CLIP2: variants seen among roughly 807,000 people sequenced by gnomAD.
CLIP2 encodes the protein CAP-Gly domain containing linker protein 2, also known as CAP-Gly domain-containing linker protein 2.
A neutral mutation model predicts 111.7 loss-of-function variants in CLIP2; 41 were observed. That is an observed-to-expected ratio of 0.37 (90% CI 0.29 to 0.48). The LOEUF (loss-of-function observed/expected upper bound fraction) is 0.48. Among genes scored for constraint, CLIP2 ranks in the 20% least tolerant of loss-of-function variants. The pLI, the probability that CLIP2 is intolerant of heterozygous loss-of-function variation, is 0.99. For missense variants in CLIP2, 1,160 were observed against 1,422.1 expected (o/e 0.82, Z 2.96); for synonymous variants, 660 against 644.2 (o/e 1.02, Z -0.37).
chr7:74,386,629 A>T (rs782504696), intron 12 of CLIP2, 25 bp downstream of exon 12: 2 of 1,563,158 alleles, frequency 1.3e-6, no homozygotes, highest in Non-Finnish European at 1.7e-6. Flanking sequence ...CGCAGGGCAG[A>T]TGCGGGGGGC....
intron 1 of CLIP2, among the ~76,000 whole-genome samples, chr7:74,313,327 A>AG (rs1238302814): frequency 6.6e-6 from 1 of 151,736 alleles, no homozygotes; most frequent in Non-Finnish European, 1.5e-5. Context: ...TGGGAGGCCG[A>AG]GGGGGGCAGA....
At chr7:74,390,941 C>T (rs1339076085) in intron 13 of CLIP2, among the ~76,000 whole-genome samples, 7 of 151,416 alleles carry the variant, frequency 4.6e-5, no homozygotes, top group African/African-American at 1.2e-4. Context: ...CCCAGCTACT[C>T]GGGAGGCTGA....
chr7:74,385,797 C>T (rs1159895770), intron 11 of CLIP2, among the ~76,000 whole-genome samples: 13 of 140,990 alleles, frequency 9.2e-5, no homozygotes, highest in Admixed American at 1.5e-4. Context: ...GGCTGGAGTG[C>T]GATGGTGCGA....
intron 1 of CLIP2, among the ~76,000 whole-genome samples, chr7:74,310,140 A>C (rs1232617571): frequency 7.1e-6 from 1 of 141,344 alleles, no homozygotes; most frequent in Non-Finnish European, 1.5e-5. Flanking sequence ...AGGTGGGAGG[A>C]TTCTTTGAGC....
chr7:74,396,823 C>T (rs1037303963), intron 13 of CLIP2, among the ~76,000 whole-genome samples: 1 of 151,950 alleles, frequency 6.6e-6, no homozygotes, highest in Non-Finnish European at 1.5e-5. Context: ...GCTCTGCACT[C>T]CCCCCACAAC....
rs1309607147 is a variant in CLIP2, at chr7:74,357,602, T to C, written c.1215+125T>C. The C allele has an allele frequency of 3.8e-6, 3 of 787,510 alleles. No homozygotes were observed. In the African/African-American group the frequency reaches 5.2e-5, roughly 14 times the overall value. 48.8% of individuals were successfully genotyped at this position (787,510 alleles called of 1,614,324 possible). A position where few individuals can be genotyped will look rare whatever the true frequency, so the allele number is the denominator to read the frequency against. ...ATATGAAGATAACACAAGCAGTACC[T>C]GTCCCCCGCTTTCCAGAGATAAGCC... On this transcript the variant is annotated intron_variant, in intron 6 of 16. Transcript: ENST00000223398.
chr7:74,397,663 T>G (rs1431673258), intron 14 of CLIP2, among the ~76,000 whole-genome samples: 2 of 85,686 alleles, frequency 2.3e-5, no homozygotes. Flanking sequence ...CTGAGTTTTT[T>G]TTGTTTTTTT....
Position 74,405,846 on chromosome 7 carries a change from C to T in CLIP2, c.*1998C>T, listed in dbSNP as rs1340544143. ...GCTCAGCCATGTCCCCTCCCCAGGTCCTTCATTCACCCCTCCCCTCCCCAC... is the reference window on the plus strand; with the variant it reads ...GCTCAGCCATGTCCCCTCCCCAGGTTCTTCATTCACCCCTCCCCTCCCCAC... On this transcript the variant is annotated 3_prime_UTR_variant, in exon 17 of 17. Transcript: ENST00000223398. 1 of 152,584 alleles carries T rather than the reference C, an allele frequency of 6.6e-6. No homozygotes were observed. The highest frequency in any genetic ancestry group is 1.9e-4 in the East Asian group (1 of 5,174). The allele number at this position is 152,584 out of a possible 1,614,324, so 9.5% of individuals were successfully genotyped here.
intron 13 of CLIP2, among the ~76,000 whole-genome samples, chr7:74,390,193 G>GAA (rs1562726874): frequency 1.0e-5 from 1 of 98,632 alleles, no homozygotes; most frequent in Non-Finnish European, 2.4e-5. Flanking sequence ...AAGAAAGAAA[G>GAA]AAAGAAAGAA....
At position 74,376,766 on chromosome 7, in the gene CLIP2, G is replaced by A; in HGVS notation, c.2365G>A (p.Val789Met). 3 of 1,611,646 alleles carry A rather than the reference G, an allele frequency of 1.9e-6. No homozygotes were observed. The highest frequency in any genetic ancestry group is 2.2e-5 in the East Asian group (1 of 44,788). The change falls in exon 10 of 17, where the codon GTG becomes ATG. Residue 789 changes from valine to methionine, a missense_variant. Val to Met is a conservative substitution (Grantham distance 21). Transcript: ENST00000223398. The surrounding 1 kb of genome is among the most constrained non-coding windows in gnomAD (Gnocchi z 7.1). The part of the protein sequence containing the change: ...EVESLREKLL[V>M]AENRLQAVEA... ...CGAGAGTTTGCGGGAGAAGCTCCTGGTGGCTGAGAACAGACTCCAGGCGGT... is the reference window on the plus strand; with the variant it reads ...CGAGAGTTTGCGGGAGAAGCTCCTGATGGCTGAGAACAGACTCCAGGCGGT...
At chr7:74,374,310 G>A (rs1254742389) in intron 9 of CLIP2, among the ~76,000 whole-genome samples, 2 of 152,168 alleles carry the variant, frequency 1.3e-5, no homozygotes, top group Non-Finnish European at 2.9e-5. Flanking sequence ...GTGCTTGTAC[G>A]GTACACACTC....
intron 2 of CLIP2, among the ~76,000 whole-genome samples, chr7:74,333,932 G>T (rs986725667): frequency 6.6e-6 from 1 of 152,206 alleles, no homozygotes; most frequent in East Asian, 1.9e-4. Flanking sequence ...TTTGGCCTGC[G>T]AGGATATGGA....
intron 12 of CLIP2, chr7:74,388,895 G>A: frequency 2.2e-6 from 1 of 463,112 alleles, no homozygotes; most frequent in Non-Finnish European, 3.7e-6. Flanking sequence ...GTTGGAGGCT[G>A]CAATGAGCTA....
At position 74,376,649 on chromosome 7, in the gene CLIP2, G is replaced by A. The variant is rs369918965; in HGVS notation, c.2248G>A (p.Glu750Lys). Residue 750 changes from glutamate (E) to lysine (K), a missense_variant, in exon 10 of 17, where the codon GAG (glutamate) becomes AAG (lysine). Coordinates refer to ENST00000223398, the MANE Select transcript of CLIP2 (RefSeq NM_003388.5). This position sits in a 1 kb window ranked among gnomAD's most constrained non-coding sequence, Gnocchi z 7.1. ...VEYRGQAQAIEFLKEQISLAE... is the reference protein window; with the variant it reads ...VEYRGQAQAIKFLKEQISLAE... ...GTACCGGGGCCAGGCGCAGGCTATC[G>A]AGTTCCTCAAGGAGCAGATCTCGCT... 5.0e-6 allele frequency: 8 copies of A among 1,613,294 alleles called. No homozygotes were observed. Among genetic ancestry groups the A allele is most frequent in the South Asian group, 1.1e-5 (1 of 90,830 alleles).
chr7:74,376,700 G>C lies in CLIP2; in HGVS notation c.2299G>C (p.Glu767Gln), dbSNP rs782223327. Residue 767 changes from glutamate (E) to glutamine (Q), a missense_variant, in exon 10 of 17, where the codon GAG (glutamate) becomes CAG (glutamine). Physicochemically the swap from Glu to Gln is conservative, Grantham distance 29 (BLOSUM62 2). Transcript: ENST00000223398. This position sits in a 1 kb window ranked among gnomAD's most constrained non-coding sequence, Gnocchi z 7.1. Reference sequence around the variant, plus strand: ...GGCCGAGAAGAAGATGTTGGACTACGAGCGGCTGCAGCGGGCAGAAGCCCA... The same window carrying C: ...GGCCGAGAAGAAGATGTTGGACTACCAGCGGCTGCAGCGGGCAGAAGCCCA... ...SLAEKKMLDY[E>Q]RLQRAEAQGK... The C allele has an allele frequency of 7.4e-6, 12 of 1,613,152 alleles. No homozygotes were observed. In the East Asian group the frequency reaches 2.0e-4, roughly 27 times the overall value.
intron 16 of CLIP2, among the ~76,000 whole-genome samples, chr7:74,402,648 C>T (rs1301233547): frequency 1.3e-5 from 2 of 152,070 alleles, no homozygotes; most frequent in Non-Finnish European, 2.9e-5. Flanking sequence ...GCTAGGATTG[C>T]GCCACTGCAC....
intron 3 of CLIP2, among the ~76,000 whole-genome samples, chr7:74,348,073 G>A (rs539464968): frequency 1.3e-5 from 2 of 152,048 alleles, no homozygotes; most frequent in East Asian, 1.9e-4. Flanking sequence ...TCAGCTACTC[G>A]GGAGAATGAG....
At chr7:74,390,811 G>A (rs1791275100) in intron 13 of CLIP2, among the ~76,000 whole-genome samples, 1 of 152,064 alleles carries the variant, frequency 6.6e-6, no homozygotes, top group African/African-American at 2.4e-5. Context: ...ACTTTGGGAG[G>A]TCGAGGTGGG....
At chr7:74,364,993 T>TTGTGTGTGTGTGTG (rs10600630) in intron 8 of CLIP2, 15 of 264,842 alleles carry the variant, frequency 5.7e-5, no homozygotes, top group African/African-American at 9.3e-5. Context: ...CTGTTTTTTG[T>TTGTGTGTGTGTGTG]TGTGTGTGTG....
Sources: allele counts gnomAD v4.1 joint callset (sites outside exome capture counted in the v4.1 genomes callset), GRCh38; gene constraint gnomAD v4.1.1; non-coding constraint Gnocchi (gnomAD v3.1); transcripts MANE v1.5; gene names NCBI Gene and HGNC (gene_info 2026-07-23, HGNC 2026-07-21).